Variants in NAA25 observed in about 807,000 individuals in gnomAD.
NAA25 encodes the protein N-alpha-acetyltransferase 25, NatB auxiliary subunit, also known as N-terminal acetyltransferase B complex subunit NAA25.
In NAA25, 30 loss-of-function variants were observed where a neutral mutation model predicts 132.5. The observed-to-expected ratio is 0.23, with a 90% CI of 0.17 to 0.31. NAA25 has a LOEUF of 0.31. Ranked by LOEUF, NAA25 falls within the 10% of genes least tolerant of loss-of-function variation. NAA25 has a pLI of 1.00. For synonymous variants in NAA25, 359 were observed against 401.9 expected, an observed-to-expected ratio of 0.89 and a Z score of 1.28; for missense variants, 771 against 1,150.4, an observed-to-expected ratio of 0.67 and a Z score of 4.77.
rs777538546 is a variant in NAA25, at chr12:112,048,447, A to C, written c.1729-4T>G. The C allele has an allele frequency of 2.5e-6, 4 of 1,613,260 alleles. No individual in the cohort carries two copies. In the Admixed American group the frequency reaches 6.7e-5, roughly 27 times the overall value. ...CTTGAATAATATATTCTGAGGTCTG[A>C]GAAGGAAAGACATCACCTTGGTATA... On this transcript the variant is annotated splice_region_variant and splice_polypyrimidine_tract_variant and intron_variant, in intron 15 of 23. Coordinates refer to ENST00000261745, the MANE Select transcript of NAA25 (RefSeq NM_024953.4).
chr12:112,067,417 T>C (rs1355307406), intron 11 of NAA25, among the ~76,000 whole-genome samples: 2 of 152,180 alleles, frequency 1.3e-5, no homozygotes, highest in African/African-American at 2.4e-5. Flanking sequence ...TGTTCTATTT[T>C]ATAGAATAAA....
chr12:112,080,994 A>T, intron 5 of NAA25, 66 bp downstream of exon 5: 1 of 1,343,102 alleles, frequency 7.4e-7, no homozygotes, highest in Non-Finnish European at 1.1e-6. Flanking sequence ...CAGAAGACAC[A>T]CTGAGGACAA....
chr12:112,054,707 C>T, intron 13 of NAA25, 139 bp from the exon 14 acceptor site: 6 of 724,968 alleles, frequency 8.3e-6, no homozygotes, highest in Non-Finnish European at 1.3e-5. Context: ...TTTAGATATA[C>T]ACCTGTAACC....
chr12:112,035,842 C>T (rs907588641), intron 22 of NAA25, among the ~76,000 whole-genome samples: 1 of 151,934 alleles, frequency 6.6e-6, no homozygotes, highest in Non-Finnish European at 1.5e-5. Context: ...CCACCATGCC[C>T]AACTAATTTT....
At chr12:112,075,065 G>C (rs1313323358) in intron 8 of NAA25, among the ~76,000 whole-genome samples, 1 of 152,144 alleles carries the variant, frequency 6.6e-6, no homozygotes, top group Non-Finnish European at 1.5e-5. Context: ...GGGAAGGGGA[G>C]AGAAGTGTTG....
rs199912568 is a variant in NAA25 at position 112,071,382 on chromosome 12, G to A, written c.1036+513C>T. On this transcript the variant is annotated intron_variant, in intron 10 of 23. Coordinates refer to ENST00000261745, the MANE Select transcript of NAA25 (RefSeq NM_024953.4). ...AGGTTCTGGCTGTGTCGCTCAGGCTGGAGTGAAGGCACGATCTCAGATCAC... is the reference window on the plus strand; with the variant it reads ...AGGTTCTGGCTGTGTCGCTCAGGCTAGAGTGAAGGCACGATCTCAGATCAC... Among the ~76,000 whole-genome samples, 13 of 152,170 alleles carry A rather than the reference G, an allele frequency of 8.5e-5. No homozygotes were observed. In the East Asian group the frequency reaches 2.3e-3, roughly 27 times the overall value.
At chr12:112,077,922 G>T (rs1251650924) in intron 7 of NAA25, among the ~76,000 whole-genome samples, 2 of 151,508 alleles carry the variant, frequency 1.3e-5, no homozygotes, top group Non-Finnish European at 1.5e-5. Flanking sequence ...AGAATATAAA[G>T]TGTAACTGGA....
At chr12:112,091,517 A>G (rs898069223) in intron 2 of NAA25, among the ~76,000 whole-genome samples, 2 of 152,154 alleles carry the variant, frequency 1.3e-5, no homozygotes, top group African/African-American at 4.8e-5. Flanking sequence ...ACGTGGTGAG[A>G]TCCCATTTTT....
At chr12:112,071,136 G>A (rs1000849047) in intron 10 of NAA25, among the ~76,000 whole-genome samples, 3 of 151,852 alleles carry the variant, frequency 2.0e-5, no homozygotes, top group Admixed American at 6.6e-5. Flanking sequence ...CGCCCACCTC[G>A]GCCTCCCAAA....
At chr12:112,086,073 T>TACACACACACACACACACAC (rs1555238727) in intron 4 of NAA25, among the ~76,000 whole-genome samples, 1 of 53,988 alleles carries the variant, frequency 1.9e-5, no homozygotes, top group East Asian at 2.3e-3. Flanking sequence ...TATATATATA[T>TACACACACACACACACACAC]ACACACACAC....
chr12:112,047,861 C>A, intron 16 of NAA25, 71 bp from the exon 17 acceptor site: 1 of 1,424,978 alleles, frequency 7.0e-7, no homozygotes, highest in South Asian at 1.4e-5. Context: ...ATCAGGACTT[C>A]CTGTTTTACT....
chr12:112,099,472 C>A (rs1172478349), intron 1 of NAA25, among the ~76,000 whole-genome samples: 3 of 152,024 alleles, frequency 2.0e-5, no homozygotes, highest in Non-Finnish European at 2.9e-5. Context: ...TTAAAAGTCA[C>A]CTTGGAGAAA....
At chr12:112,047,620 A>G (rs200869915) in intron 17 of NAA25, 45 bp downstream of exon 17, 7 of 1,599,052 alleles carry the variant, frequency 4.4e-6, no homozygotes, top group African/African-American at 2.7e-5. Flanking sequence ...AAAACAAAAA[A>G]CAAACAAAAA....
At chr12:112,068,634 T>C (rs1263589480) in intron 11 of NAA25, among the ~76,000 whole-genome samples, 1 of 152,186 alleles carries the variant, frequency 6.6e-6, no homozygotes, top group Admixed American at 6.5e-5. Flanking sequence ...TCCATAATTA[T>C]CTCAAAATAA....
intron 11 of NAA25, among the ~76,000 whole-genome samples, chr12:112,062,188 G>T (rs574732849): frequency 4.5e-4 from 69 of 152,218 alleles, no homozygotes; most frequent in African/African-American, 1.6e-3. Flanking sequence ...CTTCAGGCCA[G>T]GAGTTCAAGA....
At chr12:112,048,068 T>C (rs565039661) in intron 16 of NAA25, among the ~76,000 whole-genome samples, 2 of 152,268 alleles carry the variant, frequency 1.3e-5, no homozygotes, top group East Asian at 3.9e-4. Context: ...GGACCAGGCA[T>C]TGATGACCAT....
At position 112,108,702 on chromosome 12, in the gene NAA25, T is replaced by G. The variant is rs2079403194; in HGVS notation, c.58+14A>C. On this transcript the variant is annotated intron_variant, in intron 1 of 23. Coordinates refer to ENST00000261745, the MANE Select transcript of NAA25 (RefSeq NM_024953.4). ...CGCGTCGGGCTGGCGAGCGGGCTGG[T>G]CCAAGACACTCACCGTAAATGGGCC... The G allele has an allele frequency of 2.0e-6, 3 of 1,515,556 alleles. No homozygotes were observed. The highest frequency in any genetic ancestry group is 2.7e-6 in the Non-Finnish European group (3 of 1,129,424). 93.9% of individuals were successfully genotyped at this position (1,515,556 alleles called of 1,614,324 possible).
At chr12:112,081,382 A>G (rs1298533071) in intron 4 of NAA25, among the ~76,000 whole-genome samples, 1 of 152,250 alleles carries the variant, frequency 6.6e-6, no homozygotes, top group Admixed American at 6.5e-5. Flanking sequence ...TTTCCAGAAT[A>G]TGCTGCAATC....
chr12:112,101,594 T>C (rs1046741472), intron 1 of NAA25, among the ~76,000 whole-genome samples: 2 of 152,018 alleles, frequency 1.3e-5, no homozygotes, highest in Non-Finnish European at 2.9e-5. Flanking sequence ...CCATCTCTAC[T>C]AACAATACAA....
Sources: gnomAD v4.1 joint callset for allele counts (sites outside exome capture counted in the v4.1 genomes callset) on GRCh38, gnomAD v4.1.1 for gene constraint, MANE v1.5 for transcripts, NCBI Gene and HGNC (gene_info 2026-07-23, HGNC 2026-07-21) for gene names.